Variants in CAST observed in about 807,000 individuals in gnomAD.
The protein encoded by CAST is calpastatin.
In CAST, 76 loss-of-function variants were observed where a neutral mutation model predicts 119.6. The ratio of observed to expected loss-of-function variants is 0.64; its 90% confidence interval spans 0.53 to 0.77. The LOEUF is 0.77. Ranked by LOEUF, CAST falls within the 30% of genes least tolerant of loss-of-function variation. The probability of loss-of-function intolerance (pLI) is 0.00; values close to 1 mark genes in which losing one functional copy is unlikely to be tolerated. For synonymous variants in CAST, 319 were observed against 331.6 expected (o/e 0.96, Z 0.41); for missense variants, 953 against 946.5 (o/e 1.01, Z -0.09).
the CAST span, among the ~76,000 whole-genome samples, chr5:96,158,814 C>T: frequency 1.3e-5 from 2 of 152,200 alleles, no homozygotes; most frequent in African/African-American, 2.4e-5. Context: ...TGATTGCCAG[C>T]ACTATCTTAA....
At chr5:96,723,385 T>C (rs972310571) in intron 4 of CAST, among the ~76,000 whole-genome samples, 48 of 152,338 alleles carry the variant, frequency 3.2e-4, no homozygotes, top group Middle Eastern at 3.4e-3. Context: ...GCTAAAATGG[T>C]CTTACTATTC....
the CAST span, among the ~76,000 whole-genome samples, chr5:95,963,155 C>T: frequency 0.022 from 3,346 of 152,228 alleles, 120 homozygotes; most frequent in African/African-American, 0.076. Context: ...AAAACTGAGA[C>T]GCTTGTTTTT....
the CAST span, among the ~76,000 whole-genome samples, chr5:96,404,390 T>A: frequency 2.0e-5 from 3 of 152,192 alleles, no homozygotes; most frequent in African/African-American, 7.2e-5. Flanking sequence ...GCATGTTAAA[T>A]AAACTCCCCA....
the CAST span, among the ~76,000 whole-genome samples, chr5:96,317,545 C>A: frequency 6.8e-6 from 1 of 147,274 alleles, no homozygotes; most frequent in Admixed American, 6.8e-5. Flanking sequence ...TAAAACCTAG[C>A]ATATTTTGTT....
chr5:96,252,343 T>C, the CAST span, among the ~76,000 whole-genome samples: 1 of 152,172 alleles, frequency 6.6e-6, no homozygotes, highest in Non-Finnish European at 1.5e-5. Flanking sequence ...TTTTAATGAA[T>C]AGTATTCATT....
chr5:95,976,953 G>C, the CAST span, among the ~76,000 whole-genome samples: 1 of 152,012 alleles, frequency 6.6e-6, no homozygotes, highest in African/African-American at 2.4e-5. Flanking sequence ...TATGACTTTG[G>C]GCAAGTTATT....
At chr5:96,039,853 C>A in the CAST span, among the ~76,000 whole-genome samples, 1 of 152,146 alleles carries the variant, frequency 6.6e-6, no homozygotes, top group Admixed American at 6.5e-5. Context: ...CTTGGCTATG[C>A]AGGCTCTTTT....
the CAST span, among the ~76,000 whole-genome samples, chr5:96,063,882 T>C: frequency 2.0e-4 from 30 of 152,306 alleles, no homozygotes; most frequent in African/African-American, 6.7e-4. Flanking sequence ...CCTACTATGC[T>C]ATGCTGTTGT....
At chr5:96,643,231 C>A (rs1747974713) in intron 1 of CAST, among the ~76,000 whole-genome samples, 1 of 152,214 alleles carries the variant, frequency 6.6e-6, no homozygotes, top group South Asian at 2.1e-4. Context: ...CCTAAAAGTG[C>A]ATTTTTCTAA....
At chr5:96,273,519 G>A in the CAST span, among the ~76,000 whole-genome samples, 9 of 152,246 alleles carry the variant, frequency 5.9e-5, no homozygotes, top group South Asian at 1.5e-3. Context: ...ATGGCCTGTC[G>A]ATGAATGACA....
At chr5:96,587,405 A>T (rs1746880060) in intron 1 of CAST, among the ~76,000 whole-genome samples, 1 of 152,200 alleles carries the variant, frequency 6.6e-6, no homozygotes, top group African/African-American at 2.4e-5. Context: ...TGATTTCCTG[A>T]CTAATGCAGG....
At chr5:96,152,767 C>T in the CAST span, among the ~76,000 whole-genome samples, 1 of 100,990 alleles carries the variant, frequency 9.9e-6, no homozygotes, top group African/African-American at 4.3e-5. Context: ...CAACTATTTT[C>T]ATTTAAAAGA....
At chr5:96,091,026 C>A in the CAST span, among the ~76,000 whole-genome samples, 1 of 151,804 alleles carries the variant, frequency 6.6e-6, no homozygotes, top group African/African-American at 2.4e-5. Flanking sequence ...GAGAGAGATG[C>A]CTGGGGGGAA....
the CAST span, among the ~76,000 whole-genome samples, chr5:96,023,103 G>C: frequency 5.5e-4 from 83 of 152,270 alleles, no homozygotes; most frequent in African/African-American, 2.0e-3. Context: ...GAATGGCTGG[G>C]GAAAGGAGAT....
chr5:96,400,057 G>C, the CAST span: 4 of 1,614,032 alleles, frequency 2.5e-6, no homozygotes, highest in Non-Finnish European at 3.4e-6. Flanking sequence ...CATTTAGCAA[G>C]CCAAATCCAA....
chr5:96,076,192 A>G, the CAST span, among the ~76,000 whole-genome samples: 2 of 152,222 alleles, frequency 1.3e-5, no homozygotes. Flanking sequence ...CCTGAGAATA[A>G]AAGTGTAAAG....
chr5:96,512,799 C>A, the CAST span, among the ~76,000 whole-genome samples: 57,877 of 152,122 alleles, frequency 0.38, 11,252 homozygotes, highest in East Asian at 0.56. Flanking sequence ...GTAATTAAAT[C>A]TTTAGTATGA....
chr5:96,563,105 A>G (rs1469179838), intron 1 of CAST, among the ~76,000 whole-genome samples: 1 of 152,130 alleles, frequency 6.6e-6, no homozygotes, highest in Non-Finnish European at 1.5e-5. Context: ...ATCTGAACAA[A>G]CAGGCCTGCT....
intron 1 of CAST, among the ~76,000 whole-genome samples, chr5:96,579,109 T>C (rs1456498393): frequency 2.0e-5 from 3 of 152,194 alleles, no homozygotes; most frequent in African/African-American, 7.2e-5. Flanking sequence ...ACCATTTGTG[T>C]GGCTGGGTCC....
Sources: gnomAD v4.1 joint callset for allele counts (sites outside exome capture counted in the v4.1 genomes callset) on GRCh38, gnomAD v4.1.1 for gene constraint, MANE v1.5 for transcripts, NCBI Gene and HGNC (gene_info 2026-07-23, HGNC 2026-07-21) for gene names.